Variants in KCNMB2 observed in about 807,000 individuals in gnomAD.
KCNMB2 encodes the protein calcium-activated potassium channel subunit beta-2.
Under a neutral mutation model 24.5 loss-of-function variants are expected in KCNMB2, and 9 were observed. The ratio of observed to expected loss-of-function variants is 0.37; its 90% CI spans 0.22 to 0.64. The LOEUF is 0.64. Among genes scored for constraint, KCNMB2 ranks in the 30% least tolerant of loss-of-function variants. The pLI is 0.63. For synonymous variants in KCNMB2, 109 were observed against 104.4 expected (o/e 1.04, Z -0.27); for missense variants, 226 against 284.3 (o/e 0.79, Z 1.47).
chr3:178,568,715 C>T (rs1487382510), intron 1 of KCNMB2, among the ~76,000 whole-genome samples: 2 of 149,364 alleles, frequency 1.3e-5, no homozygotes, highest in African/African-American at 4.9e-5. Flanking sequence ...ATTTATCCTA[C>T]CTGGAATGTG....
chr3:178,711,236 A>G lies in KCNMB2; in HGVS notation c.-67-96107A>G, dbSNP rs375286209. Among the ~76,000 whole-genome samples, 27 of 152,338 alleles carry G rather than the reference A, an allele frequency of 1.8e-4. No homozygotes were observed. In the South Asian group the frequency reaches 5.2e-3, roughly 29 times the overall value. On this transcript the variant is annotated intron_variant, in intron 1 of 4. Coordinates refer to ENST00000452583, the MANE Select transcript of KCNMB2 (RefSeq NM_181361.3). ...CACAAACTCTTTACCACCATGCCATACTGCATTTATTTTAATTGTGTATAT... is the reference window on the plus strand; with the variant it reads ...CACAAACTCTTTACCACCATGCCATGCTGCATTTATTTTAATTGTGTATAT...
intron 1 of KCNMB2, among the ~76,000 whole-genome samples, chr3:178,568,674 C>A (rs143798155): frequency 1.5e-3 from 222 of 150,306 alleles, no homozygotes; most frequent in African/African-American, 5.1e-3. Context: ...TTAGAAGACA[C>A]TCAAGGAATA....
At chr3:178,709,401 C>T (rs1022910076) in intron 1 of KCNMB2, among the ~76,000 whole-genome samples, 3 of 152,130 alleles carry the variant, frequency 2.0e-5, no homozygotes, top group African/African-American at 4.8e-5. Context: ...TAGCTATAGG[C>T]TATGGCAAAG....
rs184568534 is a variant in KCNMB2 at position 178,806,086 on chromosome 3, G to A, written c.-67-1257G>A. On this transcript the variant is annotated intron_variant, in intron 1 of 4. Transcript: ENST00000452583. ...TGAGGCTGCAGTGAGCTATGACTGC[G>A]CATGTGAATAGCCACTGCATTCCTG... is the stretch of plus-strand genomic sequence containing the variant. Among the ~76,000 whole-genome samples, 427 of 152,268 alleles carry A rather than the reference G, an allele frequency of 2.8e-3. 1 individual carries two copies. Among genetic ancestry groups the A allele is most frequent in the African/African-American group, 9.6e-3 (398 of 41,562 alleles).
At chr3:178,712,720 T>C (rs1483857686) in intron 1 of KCNMB2, among the ~76,000 whole-genome samples, 1 of 152,276 alleles carries the variant, frequency 6.6e-6, no homozygotes, top group East Asian at 1.9e-4. Flanking sequence ...ACGTGATAAA[T>C]ATCAGAGCCA....
In KCNMB2 at chr3:178,554,394, C is replaced by A. The variant is rs1439726175; in HGVS notation, c.-68+17683C>A. Among the ~76,000 whole-genome samples, 4 of 152,128 alleles carry A rather than the reference C, an allele frequency of 2.6e-5. No homozygotes were observed. The South Asian group carries it at 6.2e-4, about 24-fold the overall frequency. ...GAAACTACAATTGGTACCAAAGAAC[C>A]ATGCCTATTGTCATCTGGTGTTACA... is the stretch of plus-strand genomic sequence containing the variant. On this transcript the variant is annotated intron_variant, in intron 1 of 4. Coordinates refer to ENST00000452583, the MANE Select transcript of KCNMB2 (RefSeq NM_181361.3).
intron 1 of KCNMB2, among the ~76,000 whole-genome samples, chr3:178,652,702 G>A (rs369105273): frequency 4.8e-4 from 65 of 134,212 alleles, no homozygotes; most frequent in African/African-American, 1.6e-3. Flanking sequence ...TGCTCTTGTC[G>A]CCCAGGCTGG....
chr3:178,604,402 T>TA (rs5854815), intron 1 of KCNMB2, among the ~76,000 whole-genome samples: 6,537 of 146,068 alleles, frequency 0.045, 157 homozygotes, highest in South Asian at 0.079. Flanking sequence ...TGAAGTGGTT[T>TA]AAAAAAAAAA....
intron 1 of KCNMB2, among the ~76,000 whole-genome samples, chr3:178,697,923 T>C (rs1225192024): frequency 6.6e-6 from 1 of 152,080 alleles, no homozygotes. Flanking sequence ...ATGTTGAATA[T>C]TGGTCCCCAA....
chr3:178,748,899 GA>G (rs760711050), intron 1 of KCNMB2: 29 of 152,104 alleles, frequency 1.9e-4, no homozygotes, highest in Non-Finnish European at 3.4e-4. Flanking sequence ...TCATATTTAA[GA>G]AACTCAATAA....
In KCNMB2 at chr3:178,671,505, A is replaced by C. The variant is rs75536125; in HGVS notation, c.-68+134794A>C. 9.4e-3 allele frequency among the ~76,000 whole-genome samples: 1,436 copies of C among 152,246 alleles called. 88 individuals carry two copies. The East Asian group carries it at 0.18, about 19-fold the overall frequency. ...CAGAGCAAATGAGCAGTCTAGACTC[A>C]TTATCTCAGCCCCCAGTGTCTCAGA... On this transcript the variant is annotated intron_variant, in intron 1 of 4. Coordinates refer to ENST00000452583, the MANE Select transcript of KCNMB2 (RefSeq NM_181361.3).
At chr3:178,669,846 C>A (rs1183377878) in intron 1 of KCNMB2, among the ~76,000 whole-genome samples, 4 of 151,852 alleles carry the variant, frequency 2.6e-5, no homozygotes, top group Non-Finnish European at 5.9e-5. Flanking sequence ...TTAGTAGGTA[C>A]AGAAGCAGAG....
chr3:178,670,308 T>C (rs1270378440), intron 1 of KCNMB2, among the ~76,000 whole-genome samples: 1 of 152,074 alleles, frequency 6.6e-6, no homozygotes, highest in Non-Finnish European at 1.5e-5. Flanking sequence ...CTCTGGGCTC[T>C]ACCCACTAGA....
At chr3:178,794,200 C>A (rs55640706) in intron 1 of KCNMB2, among the ~76,000 whole-genome samples, 1 of 152,044 alleles carries the variant, frequency 6.6e-6, no homozygotes, top group Non-Finnish European at 1.5e-5. Context: ...GCCCTTCACA[C>A]GTCTGCTCTG....
At chr3:178,631,342 G>A (rs1719312243) in intron 1 of KCNMB2, among the ~76,000 whole-genome samples, 1 of 152,182 alleles carries the variant, frequency 6.6e-6, no homozygotes, top group Non-Finnish European at 1.5e-5. Flanking sequence ...CAGACTGACA[G>A]CTTATTAGTG....
At chr3:178,573,664 T>C (rs1277589577) in intron 1 of KCNMB2, among the ~76,000 whole-genome samples, 1 of 150,502 alleles carries the variant, frequency 6.6e-6, no homozygotes, top group Non-Finnish European at 1.5e-5. Flanking sequence ...GGAGGATTGT[T>C]TGAGCCCAGA....
chr3:178,656,539 G>C (rs1163820596), intron 1 of KCNMB2, among the ~76,000 whole-genome samples: 1 of 152,264 alleles, frequency 6.6e-6, no homozygotes, highest in Non-Finnish European at 1.5e-5. Flanking sequence ...TTGGGAGGCT[G>C]AGGCAGGCAG....
chr3:178,614,323 A>G lies in KCNMB2; in HGVS notation c.-68+77612A>G, dbSNP rs866516600. 6.6e-4 allele frequency among the ~76,000 whole-genome samples: 84 copies of G among 126,624 alleles called. 2 individuals carry two copies. The highest frequency in any genetic ancestry group is 2.3e-3 in the African/African-American group (83 of 35,436). The allele number at this position is 126,624 out of a possible 152,430, so 83.1% of individuals were successfully genotyped here. ...TATGTATATATATGTATGTGTATAT[A>G]TATATGTATGTATATATATATATGT... On this transcript the variant is annotated intron_variant, in intron 1 of 4. Transcript: ENST00000452583.
At chr3:178,661,920 G>T (rs1346143840) in intron 1 of KCNMB2, among the ~76,000 whole-genome samples, 1 of 152,072 alleles carries the variant, frequency 6.6e-6, no homozygotes, top group Non-Finnish European at 1.5e-5. Context: ...ACAGGATAAG[G>T]TGGCTGTTAT....
Sources: gnomAD v4.1 joint callset for allele counts (sites outside exome capture counted in the v4.1 genomes callset) on GRCh38, gnomAD v4.1.1 for gene constraint, MANE v1.5 for transcripts, NCBI Gene and HGNC (gene_info 2026-07-23, HGNC 2026-07-21) for gene names.